The following TTC14 variants were observed in gnomAD, a reference collection of about 807,000 sequenced individuals.
TTC14 encodes the protein tetratricopeptide repeat protein 14.
Under a neutral mutation model 79.9 loss-of-function variants are expected in TTC14, and 63 were observed. The ratio of observed to expected loss-of-function variants is 0.79; its 90% CI spans 0.64 to 0.97. The LOEUF is 0.97. Ranked by LOEUF, TTC14 falls within the 50% of genes least tolerant of loss-of-function variation. The probability of loss-of-function intolerance (pLI) is 0.00; values close to 1 mark genes in which losing one functional copy is unlikely to be tolerated. For missense variants in TTC14, 895 were observed against 894.0 expected (o/e 1.00, Z -0.01); for synonymous variants, 335 against 309.6 (o/e 1.08, Z -0.86).
chr3:180,616,823 T>A, intron 12 of TTC14: 5 of 1,609,570 alleles, frequency 3.1e-6, no homozygotes, highest in Non-Finnish European at 4.2e-6. Context: ...AAGATATCGA[T>A]ACCTGTTTGG....
In TTC14 at chr3:180,611,124, A is replaced by T. The variant is rs1213688813; in HGVS notation, c.*582A>T. ...CAATTTGATTAAAAGTGGTTTGTGAACAGTCATTGGCTTCCACCCAGCATA... is the reference window on the plus strand; with the variant it reads ...CAATTTGATTAAAAGTGGTTTGTGATCAGTCATTGGCTTCCACCCAGCATA... On this transcript the variant is annotated 3_prime_UTR_variant, in exon 12 of 12. Coordinates refer to ENST00000296015, the MANE Select transcript of TTC14 (RefSeq NM_133462.4). 3 of 985,252 alleles carry T rather than the reference A, an allele frequency of 3.0e-6. No homozygotes were observed. The East Asian group carries it at 3.4e-4, about 112-fold the overall frequency. The allele number at this position is 985,252 out of a possible 1,614,324, so 61.0% of individuals were successfully genotyped here.
rs200004040 is a variant in TTC14, at chr3:180,602,297, C to G, written c.36C>G (p.Cys12Trp). Residue 12 changes from cysteine (C) to tryptophan (W), a missense_variant, in exon 1 of 12, where the codon TGC becomes TGG. Physicochemically the swap from Cys to Trp is radical, Grantham distance 215. Transcript: ENST00000296015. ...DRDLLRQSLN[C>W]HGSSLLSLLR... ...ACCTTTTGCGGCAGTCGCTAAATTG[C>G]CACGGGTCGTCTTTGCTCTCTCTAC... is the stretch of plus-strand genomic sequence containing the variant. The G allele has an allele frequency of 4.0e-4, 651 of 1,614,010 alleles. No homozygotes were observed. The highest frequency in any genetic ancestry group is 5.1e-4 in the Non-Finnish European group (603 of 1,180,014).
chr3:180,616,447 A>G (rs1290337510), intron 12 of TTC14: 8 of 1,497,790 alleles, frequency 5.3e-6, no homozygotes, highest in African/African-American at 2.8e-5. Flanking sequence ...TCACTTCATG[A>G]TGAATGTCAT....
chr3:180,611,064 T>C lies in TTC14; in HGVS notation c.*522T>C. 2.1e-6 allele frequency: 2 copies of C among 963,124 alleles called. No individual in the cohort carries two copies. Among genetic ancestry groups the C allele is most frequent in the Non-Finnish European group, 2.5e-6 (2 of 809,580 alleles). 59.7% of individuals were successfully genotyped at this position (963,124 alleles called of 1,614,324 possible). ...CCCAATTTTTTTTAAAATTTTTAAA[T>C]GGTAGATTATATGTCTTAATTTTCC... is the stretch of plus-strand genomic sequence containing the variant. On this transcript the variant is annotated 3_prime_UTR_variant, in exon 12 of 12. Coordinates refer to ENST00000296015, the MANE Select transcript of TTC14 (RefSeq NM_133462.4).
chr3:180,612,402 T>TATC (rs1219225019), downstream of TTC14, among the ~76,000 whole-genome samples: 1 of 152,220 alleles, frequency 6.6e-6, no homozygotes, highest in African/African-American at 2.4e-5. Flanking sequence ...TTTCATAATT[T>TATC]ATCATCCCTT....
At chr3:180,602,493 G>A (rs1716418342) in intron 1 of TTC14, 71 bp downstream of exon 1, 17 of 1,494,626 alleles carry the variant, frequency 1.1e-5, no homozygotes, top group East Asian at 2.4e-5. Flanking sequence ...CCGCAGCCCC[G>A]GGTTTGCGTC....
chr3:180,610,626 A>G lies in TTC14; in HGVS notation c.*84A>G. 6.7e-7 allele frequency: 1 copy of G among 1,489,838 alleles called. No individual in the cohort carries two copies. The highest frequency in any genetic ancestry group is 1.5e-5 in the South Asian group (1 of 68,912). The allele number at this position is 1,489,838 out of a possible 1,614,324, so 92.3% of individuals were successfully genotyped here. ...ATTAGTCATAACAGTTGAGTGCAGA[A>G]ATCTCTGCTTCTAAAATTATTTGTA... On this transcript the variant is annotated 3_prime_UTR_variant, in exon 12 of 12. Coordinates refer to ENST00000296015, the MANE Select transcript of TTC14 (RefSeq NM_133462.4).
At chr3:180,602,736 A>G in intron 1 of TTC14, 155 bp from the exon 2 acceptor site, 1 of 902,694 alleles carries the variant, frequency 1.1e-6, no homozygotes, top group South Asian at 1.9e-5. Context: ...AGGTTGGTTA[A>G]TGAGGGAATG....
intron 3 of TTC14, chr3:180,603,824 T>A (rs1035098694): frequency 4.4e-6 from 1 of 227,138 alleles, no homozygotes; most frequent in Admixed American, 5.3e-5. Flanking sequence ...GTATTTGCCA[T>A]CTATCCAGGC....
chr3:180,606,694 TTAATTTA>T, intron 9 of TTC14, 91 bp downstream of exon 9: 1 of 1,406,968 alleles, frequency 7.1e-7, no homozygotes, highest in Non-Finnish European at 9.6e-7. Flanking sequence ...TCTTAAGCAC[TTAATTTA>T]TAACACTCTT....
intron 1 of TTC14, 128 bp downstream of exon 1, chr3:180,602,550 G>T: frequency 7.7e-7 from 1 of 1,290,916 alleles, no homozygotes; most frequent in Non-Finnish European, 1.0e-6. Context: ...ATCGCGCGCT[G>T]GTGTCTTGGG....
At position 180,616,648 on chromosome 3, in the gene TTC14, A is replaced by G. The variant is rs752482127; in HGVS notation, c.1775-732A>G. 2.5e-6 allele frequency: 4 copies of G among 1,593,876 alleles called. No homozygotes were observed. The highest frequency in any genetic ancestry group is 2.6e-6 in the Non-Finnish European group (3 of 1,168,684). ...TGATGTCTTGTTCTTCCATTGTTTC[A>G]TCTTTTGTGTCTTTCAAAAGACGGA... is the stretch of plus-strand genomic sequence containing the variant. On this transcript the variant is annotated intron_variant, in intron 12 of 12. Coordinates refer to the TTC14 transcript ENST00000382584.
chr3:180,605,723 A>G, intron 6 of TTC14, 43 bp from the exon 7 acceptor site: 1 of 1,463,554 alleles, frequency 6.8e-7, no homozygotes, highest in East Asian at 2.5e-5. Context: ...TTACTTAAAA[A>G]ATATTTGTGG....
In TTC14 at chr3:180,610,556, T is replaced by C. The variant is rs1716948619; in HGVS notation, c.*14T>C. On this transcript the variant is annotated 3_prime_UTR_variant, in exon 12 of 12. Transcript: ENST00000296015. ...TCAAAAAATTAATACACCAAGGATA[T>C]CGGCACCATTACACAAAATGCCATT... is the stretch of plus-strand genomic sequence containing the variant. 6.5e-7 allele frequency: 1 copy of C among 1,542,812 alleles called. No homozygotes were observed. Among genetic ancestry groups the C allele is most frequent in the Non-Finnish European group, 8.7e-7 (1 of 1,152,664 alleles).
rs1312569761 is a variant in TTC14 at position 180,604,962 on chromosome 3, G to C, written c.812G>C (p.Gly271Ala). Residue 271 changes from glycine (G) to alanine (A), a missense_variant, in exon 6 of 12, where the codon GGA (glycine) becomes GCA (alanine). Physicochemically the swap from Gly to Ala is moderately conservative, Grantham distance 60. Coordinates refer to ENST00000296015, the MANE Select transcript of TTC14 (RefSeq NM_133462.4). Reference sequence around the variant, plus strand: ...GTTGAATTCCTTCTAGAAAAACTAGGAATAGATGAATCTAATCCACCATCT... The same window carrying C: ...GTTGAATTCCTTCTAGAAAAACTAGCAATAGATGAATCTAATCCACCATCT... ...GVVEFLLEKL[G>A]IDESNPPSLM... 1.2e-6 allele frequency: 2 copies of C among 1,613,944 alleles called. No individual in the cohort carries two copies. The highest frequency in any genetic ancestry group is 1.7e-6 in the Non-Finnish European group (2 of 1,179,952).
chr3:180,617,663 A>G, exon 13 of TTC14: 2 of 398,474 alleles, frequency 5.0e-6, no homozygotes, highest in Non-Finnish European at 8.9e-6. Context: ...GAATAAGGAT[A>G]TAAAGAATAT....
intron 12 of TTC14, chr3:180,616,271 C>T: frequency 1.2e-6 from 2 of 1,612,074 alleles, no homozygotes; most frequent in South Asian, 1.1e-5. Flanking sequence ...TTTTTTAACC[C>T]TCCGCTTACC....
rs201919875 is a variant in TTC14, at chr3:180,609,691, G to T, written c.1462G>T (p.Val488Leu). ...AAGTGTTTCTTCTGCTGATGAATCA[G>T]TGTCTTCATCATCATCCTCTTCCTC... ...SSSVSSADES[V>L]SSSSSSSSSG... Residue 488 changes from valine to leucine, a missense_variant, in exon 12 of 12, where the codon GTG becomes TTG. Val to Leu is a conservative substitution (Grantham distance 32). Transcript: ENST00000296015. 7 of 1,605,646 alleles carry T rather than the reference G, an allele frequency of 4.4e-6. No homozygotes were observed. Among genetic ancestry groups the T allele is most frequent in the Non-Finnish European group, 3.4e-6 (4 of 1,177,866 alleles).
intron 1 of TTC14, 110 bp downstream of exon 1, chr3:180,602,532 A>C (rs1437749718): frequency 3.6e-6 from 5 of 1,391,028 alleles, no homozygotes; most frequent in Non-Finnish European, 4.8e-6. Flanking sequence ...GGCCGTGAGC[A>C]CAGGACGATC....
Sources: gnomAD v4.1 joint callset for allele counts (sites outside exome capture counted in the v4.1 genomes callset) on GRCh38, gnomAD v4.1.1 for gene constraint, MANE v1.5 for transcripts, NCBI Gene and HGNC (gene_info 2026-07-23, HGNC 2026-07-21) for gene names.